Variants in MSRB1 observed in about 807,000 individuals in gnomAD.
MSRB1 encodes methionine-R-sulfoxide reductase B1.
MSRB1 carries 13 observed loss-of-function variants against 15.2 expected under a neutral mutation model. The ratio of observed to expected loss-of-function variants is 0.86; its 90% CI spans 0.56 to 1.36. The LOEUF (loss-of-function observed/expected upper bound fraction) is 1.36, where lower values mean the gene tolerates loss of function less well. Among genes scored for constraint, MSRB1 ranks in the 40% most tolerant of loss-of-function variants. The pLI, the probability that MSRB1 is intolerant of heterozygous loss-of-function variation, is 0.00. For synonymous variants in MSRB1, 68 were observed against 64.5 expected (o/e 1.05, Z -0.26); for missense variants, 174 against 155.9 (o/e 1.12, Z -0.62).
At chr16:1,940,680 T>C (rs2083070783) in intron 3 of MSRB1, 98 bp downstream of exon 3, 6 of 1,419,708 alleles carry the variant, frequency 4.2e-6, no homozygotes, top group Middle Eastern at 2.4e-4. Context: ...GGTGGCCCCA[T>C]ACCTTGTCAT....
At position 1,940,297 on chromosome 16, in the gene MSRB1, T is replaced by G. The variant is rs573244921; in HGVS notation, c.319+481A>C. Among the ~76,000 whole-genome samples the G allele has an allele frequency of 2.1e-3, 312 of 148,794 alleles. 4 individuals are homozygous for G. Among genetic ancestry groups the G allele is most frequent in the South Asian group, 0.011 (54 of 4,728 alleles). On this transcript the variant is annotated intron_variant, in intron 3 of 3. Transcript: ENST00000361871. ...GAAAAAAAAAAAAAAAGGATGAGGA[T>G]TCATCAAGCTATTATTGTGTGCCAG...
rs2083055779 is a variant in MSRB1, at chr16:1,938,791, G to A, written c.*321C>T. ...ACAGGGCCAGGAAAAGAAGGTGAGGGTGTAACGTCATTCAGAGACCAGCTG... is the reference window on the plus strand; with the variant it reads ...ACAGGGCCAGGAAAAGAAGGTGAGGATGTAACGTCATTCAGAGACCAGCTG... On this transcript the variant is annotated 3_prime_UTR_variant, in exon 4 of 4. Transcript: ENST00000361871. 4.5e-6 allele frequency: 2 copies of A among 448,476 alleles called. No homozygotes were observed. The highest frequency in any genetic ancestry group is 2.1e-5 in the African/African-American group (1 of 47,606). The allele number at this position is 448,476 out of a possible 1,614,324, so 27.8% of individuals were successfully genotyped here.
chr16:1,941,021 A>T, intron 2 of MSRB1, 129 bp from the exon 3 acceptor site: 1 of 1,555,628 alleles, frequency 6.4e-7, no homozygotes, highest in Non-Finnish European at 8.7e-7. Context: ...CCGACATAAG[A>T]GGTTGACCTT....
At position 1,938,455 on chromosome 16, in the gene MSRB1, C is replaced by A; in HGVS notation, c.*657G>T. On this transcript the variant is annotated 3_prime_UTR_variant, in exon 4 of 4. Transcript: ENST00000361871. ...GAGTTATGGAGCAACAGCCGCTTTC[C>A]TAAGCAGAAGTGAGGCAAGCTACTT... 6.5e-6 allele frequency: 1 copy of A among 154,552 alleles called. No homozygotes were observed. The highest frequency in any genetic ancestry group is 1.9e-4 in the South Asian group (1 of 5,278). The allele number at this position is 154,552 out of a possible 1,614,324, so 9.6% of individuals were successfully genotyped here.
intron 2 of MSRB1, 140 bp from the exon 3 acceptor site, chr16:1,941,032 T>C: frequency 6.4e-7 from 1 of 1,553,290 alleles, no homozygotes; most frequent in South Asian, 1.2e-5. Context: ...GGTTGACCTT[T>C]GTCCTGGAGC....
At chr16:1,942,769 A>G (rs1472213228) in intron 1 of MSRB1, among the ~76,000 whole-genome samples, 11 of 152,166 alleles carry the variant, frequency 7.2e-5, no homozygotes, top group Non-Finnish European at 1.2e-4. Context: ...CCCCAGCGCC[A>G]TCACTTTGGA....
rs751613372 is a variant in MSRB1, at chr16:1,941,110, G to C, written c.204+147C>G. ...GGCCAGGCTCTCCCGATAGCCTGGG[G>C]TGGCAGCTCCCTGGCAGAGGCAACA... is the stretch of plus-strand genomic sequence containing the variant. On this transcript the variant is annotated intron_variant, in intron 2 of 3. Transcript: ENST00000361871. The C allele has an allele frequency of 2.6e-6, 4 of 1,551,636 alleles. No individual in the cohort carries two copies. The South Asian group carries it at 4.7e-5, about 18-fold the overall frequency.
chr16:1,942,983 A>C (rs2083089384), intron 1 of MSRB1, 119 bp downstream of exon 1: 8 of 1,366,652 alleles, frequency 5.9e-6, no homozygotes, highest in Non-Finnish European at 8.0e-6. Flanking sequence ...TCTCCCCGGC[A>C]GCCACATTCG....
In MSRB1 at chr16:1,943,192, A is replaced by T; in HGVS notation, c.-36T>A. On this transcript the variant is annotated 5_prime_UTR_variant, in exon 1 of 4. Coordinates refer to ENST00000361871, the MANE Select transcript of MSRB1 (RefSeq NM_016332.4). ...GAACCGCAGCGCGCTTGCCGCTGCC[A>T]ACTGACCAAAGGCTGCCGACCCGAC... The T allele has an allele frequency of 6.5e-7, 1 of 1,550,186 alleles. No individual in the cohort carries two copies. Among genetic ancestry groups the T allele is most frequent in the Admixed American group, 2.0e-5 (1 of 51,150 alleles).
chr16:1,939,506 C>T (rs766633767), intron 3 of MSRB1, among the ~76,000 whole-genome samples: 18 of 147,166 alleles, frequency 1.2e-4, no homozygotes, highest in Non-Finnish European at 2.1e-4. Flanking sequence ...CTCAACCCCA[C>T]AGCACGGTGA....
Position 1,939,212 on chromosome 16 carries a change from C to T in MSRB1, c.320-69G>A, listed in dbSNP as rs2083059428. 2.6e-6 allele frequency: 4 copies of T among 1,531,818 alleles called. No individual in the cohort carries two copies. The South Asian group carries it at 3.6e-5, about 14-fold the overall frequency. The allele number at this position is 1,531,818 out of a possible 1,614,324, so 94.9% of individuals were successfully genotyped here. ...GCAAGCAGGGGCGGAAAGCCGGGCG[C>T]GGGGGCGGTGGAAAGCCAGGGTAGG... On this transcript the variant is annotated intron_variant, in intron 3 of 3. Coordinates refer to ENST00000361871, the MANE Select transcript of MSRB1 (RefSeq NM_016332.4).
chr16:1,941,455 G>C (rs779794177), intron 1 of MSRB1, 50 bp from the exon 2 acceptor site: 6 of 1,538,988 alleles, frequency 3.9e-6, no homozygotes, highest in Admixed American at 2.0e-5. Flanking sequence ...CCGCCTTTCC[G>C]GGGTCAAGCT....
rs561538917 is a variant in MSRB1, at chr16:1,943,192, A to G, written c.-36T>C. On this transcript the variant is annotated 5_prime_UTR_variant, in exon 1 of 4. Transcript: ENST00000361871. ...GAACCGCAGCGCGCTTGCCGCTGCCAACTGACCAAAGGCTGCCGACCCGAC... is the reference window on the plus strand; with the variant it reads ...GAACCGCAGCGCGCTTGCCGCTGCCGACTGACCAAAGGCTGCCGACCCGAC... The G allele has an allele frequency of 1.3e-6, 2 of 1,550,186 alleles. No individual in the cohort carries two copies. Among genetic ancestry groups the G allele is most frequent in the African/African-American group, 2.7e-5 (2 of 73,048 alleles).
rs577758791 is a variant in MSRB1, at chr16:1,938,739, T to C, written c.*373A>G. 5.3e-5 allele frequency: 16 copies of C among 299,508 alleles called. No individual in the cohort carries two copies. Among genetic ancestry groups the C allele is most frequent in the African/African-American group, 3.4e-4 (15 of 43,848 alleles). 18.6% of individuals were successfully genotyped at this position (299,508 alleles called of 1,614,324 possible). A position where few individuals can be genotyped will look rare whatever the true frequency, so the allele number is the denominator to read the frequency against. On this transcript the variant is annotated 3_prime_UTR_variant, in exon 4 of 4. Coordinates refer to ENST00000361871, the MANE Select transcript of MSRB1 (RefSeq NM_016332.4). ...GTGAGGACGAGAGTCTGTCTTGGAA[T>C]TGGGCCTCACAGGGGAGAGTCCAGA... is the stretch of plus-strand genomic sequence containing the variant.
At chr16:1,942,189 CT>C in intron 1 of MSRB1, among the ~76,000 whole-genome samples, 1 of 152,340 alleles carries the variant, frequency 6.6e-6, no homozygotes, top group Non-Finnish European at 1.5e-5. Flanking sequence ...AAGCCAGCAG[CT>C]GCTGTGGAAG....
chr16:1,938,869 GCCGACAGTGTGGCTGCACAGC>G lies in MSRB1; in HGVS notation c.*222_*242del, dbSNP rs2083056197. 3.4e-6 allele frequency: 2 copies of G among 595,918 alleles called. No individual in the cohort carries two copies. The highest frequency in any genetic ancestry group is 3.1e-5 in the Admixed American group (1 of 32,040). The allele number at this position is 595,918 out of a possible 1,614,324, so 36.9% of individuals were successfully genotyped here. A position where few individuals can be genotyped will look rare whatever the true frequency, so the allele number is the denominator to read the frequency against. On this transcript the variant is annotated 3_prime_UTR_variant, in exon 4 of 4. Coordinates refer to ENST00000361871, the MANE Select transcript of MSRB1 (RefSeq NM_016332.4). The stretch of plus-strand genomic sequence containing the variant: ...CTAGAGTGAGCAGGGGGCTAAGTCA[GCCGACAGTGTGGCTGCACAGC>G]CCAGGCCTGTCCCAGCAGAAGGCAT...
At chr16:1,942,346 C>A (rs1461222703) in intron 1 of MSRB1, among the ~76,000 whole-genome samples, 1 of 152,206 alleles carries the variant, frequency 6.6e-6, no homozygotes, top group East Asian at 1.9e-4. Context: ...CCCAAGGAGA[C>A]CAGTGCACTC....
chr16:1,939,749 T>C (rs928666484), intron 3 of MSRB1, among the ~76,000 whole-genome samples: 2 of 152,040 alleles, frequency 1.3e-5, no homozygotes, highest in Non-Finnish European at 2.9e-5. Flanking sequence ...AGGTCAGGAG[T>C]TCCAGACCAG....
In MSRB1 at chr16:1,940,790, A is replaced by G. The variant is rs1227310073; in HGVS notation, c.307T>C (p.Phe103Leu). The G allele has an allele frequency of 1.9e-6, 3 of 1,613,366 alleles. No individual in the cohort carries two copies. Among genetic ancestry groups the G allele is most frequent in the Non-Finnish European group, 2.5e-6 (3 of 1,179,448 alleles). The change falls in exon 3 of 4, where the codon TTT becomes CTT. Residue 103 changes from phenylalanine to leucine, a missense_variant. Phe to Leu is a conservative substitution (Grantham distance 22). Transcript: ENST00000361871. ...AAAGCAAGCTCACCTTTAGGGACAA[A>G]CTTCAGCGAGCTGCTGAATATTCAG... ...RFUIFSSSLK[F>L]VPKGKETSAS...
Sources: allele counts gnomAD v4.1 joint callset (sites outside exome capture counted in the v4.1 genomes callset), GRCh38; gene constraint gnomAD v4.1.1; transcripts MANE v1.5; gene names NCBI Gene and HGNC (gene_info 2026-07-23, HGNC 2026-07-21).